The following SLC4A1 variants were observed in gnomAD, a reference collection of about 807,000 sequenced individuals.
The protein encoded by SLC4A1 is band 3 anion transport protein.
In SLC4A1, 29 loss-of-function variants were observed where a neutral mutation model predicts 93.1. The observed-to-expected ratio is 0.31, with a 90% CI of 0.23 to 0.42. The LOEUF (loss-of-function observed/expected upper bound fraction) is 0.42, where lower values mean the gene tolerates loss of function less well. Among genes scored for constraint, SLC4A1 ranks in the 20% least tolerant of loss-of-function variants. The pLI is 1.00. For synonymous variants in SLC4A1, 469 were observed against 497.2 expected, an observed-to-expected ratio of 0.94 and a Z score of 0.76; for missense variants, 965 against 1,190.1, an observed-to-expected ratio of 0.81 and a Z score of 2.78.
intron 1 of SLC4A1, among the ~76,000 whole-genome samples, chr17:44,264,582 A>T (rs1254958729): frequency 6.6e-6 from 1 of 152,256 alleles, no homozygotes; most frequent in East Asian, 1.9e-4. Context: ...TCCCATCCCC[A>T]CGAAATTCAC....
Position 44,249,279 on chromosome 17 carries a change from G to A in SLC4A1, c.*1179C>T, listed in dbSNP as rs991812540. ...AAAAAATAAATTTGCCCATGTTCTT[G>A]GAGAGCCTGCTGTCTCCTACCCCAA... On this transcript the variant is annotated 3_prime_UTR_variant, in exon 20 of 20. Transcript: ENST00000262418. 3 of 430,420 alleles carry A rather than the reference G, an allele frequency of 7.0e-6. No homozygotes were observed. Among genetic ancestry groups the A allele is most frequent in the African/African-American group, 6.1e-5 (3 of 48,798 alleles). The allele number at this position is 430,420 out of a possible 1,614,324, so 26.7% of individuals were successfully genotyped here. A position where few individuals can be genotyped will look rare whatever the true frequency, so the allele number is the denominator to read the frequency against.
chr17:44,264,635 A>G (rs2047479991), intron 1 of SLC4A1, among the ~76,000 whole-genome samples: 1 of 152,164 alleles, frequency 6.6e-6, no homozygotes, highest in Non-Finnish European at 1.5e-5. Flanking sequence ...TGCTCAATAA[A>G]CATTTACTGA....
At chr17:44,263,699 TCCCTTCCC>T (rs2047467999) in intron 1 of SLC4A1, among the ~76,000 whole-genome samples, 1 of 94,432 alleles carries the variant, frequency 1.1e-5, no homozygotes, top group Non-Finnish European at 2.2e-5. Flanking sequence ...CCTCCTTCCC[TCCCTTCCC>T]TCCTTCCTTC....
intron 15 of SLC4A1, 111 bp downstream of exon 15, chr17:44,255,096 G>A (rs2047376687): frequency 5.2e-6 from 4 of 772,094 alleles, no homozygotes; most frequent in South Asian, 1.5e-5. Context: ...GGTAGAGGTA[G>A]TCCCAGCTGG....
At chr17:44,254,424 T>C in intron 16 of SLC4A1, 72 bp downstream of exon 16, 1 of 1,478,988 alleles carries the variant, frequency 6.8e-7, no homozygotes, top group Non-Finnish European at 9.4e-7. Context: ...GTCTCTTGCC[T>C]GCCTGGGAGA....
chr17:44,262,558 G>C, intron 3 of SLC4A1, 78 bp downstream of exon 3: 1 of 1,038,480 alleles, frequency 9.6e-7, no homozygotes, highest in Non-Finnish European at 1.5e-6. Flanking sequence ...TGTGGAGAAG[G>C]GGAGAGGACA....
rs1010765083 is a variant in SLC4A1, at chr17:44,258,656, G to A, written c.877-33C>T. 2.6e-6 allele frequency: 4 copies of A among 1,551,580 alleles called. No homozygotes were observed. The African/African-American group carries it at 5.5e-5, about 21-fold the overall frequency. On this transcript the variant is annotated intron_variant, in intron 9 of 19. Transcript: ENST00000262418. This position sits in a 1 kb window ranked among gnomAD's most constrained non-coding sequence, Gnocchi z 6.1. ...CAGGAGACAGGGTCAGAGCTGCCCG[G>A]ACCTGCGGAGGGAAAGGACCCAGGA...
intron 4 of SLC4A1, among the ~76,000 whole-genome samples, chr17:44,261,360 G>C (rs955267134): frequency 5.3e-5 from 8 of 152,218 alleles, no homozygotes; most frequent in Non-Finnish European, 1.0e-4. Flanking sequence ...TGTCAATCAG[G>C]TTATCTCTGC....
intron 1 of SLC4A1, among the ~76,000 whole-genome samples, chr17:44,267,817 G>A (rs2047507097): frequency 1.3e-5 from 2 of 152,072 alleles, no homozygotes; most frequent in South Asian, 2.1e-4. Context: ...CACACGCACC[G>A]GAGCCACACA....
intron 1 of SLC4A1, among the ~76,000 whole-genome samples, chr17:44,263,634 C>T (rs1485385777): frequency 1.3e-5 from 2 of 151,952 alleles, no homozygotes; most frequent in Non-Finnish European, 1.5e-5. Flanking sequence ...TCTTCAGAGG[C>T]CCTCCCTGGC....
chr17:44,252,021 C>T (rs571319632), intron 17 of SLC4A1, among the ~76,000 whole-genome samples: 6 of 149,494 alleles, frequency 4.0e-5, no homozygotes, highest in Admixed American at 4.0e-4. Flanking sequence ...AGATCCCACG[C>T]CTGGCCTGGA....
At chr17:44,255,954 A>G in intron 13 of SLC4A1, 108 bp from the exon 14 acceptor site, 2 of 1,009,400 alleles carry the variant, frequency 2.0e-6, no homozygotes, top group Non-Finnish European at 3.2e-6. Flanking sequence ...CCAGTCATCT[A>G]TTAATTCATC....
intron 13 of SLC4A1, among the ~76,000 whole-genome samples, chr17:44,257,016 G>A (rs2047395268): frequency 6.6e-6 from 1 of 150,788 alleles, no homozygotes; most frequent in Non-Finnish European, 1.5e-5. Flanking sequence ...TTTTGAGACG[G>A]ATTCTTGCTC....
Position 44,262,856 on chromosome 17 carries a change from A to G in SLC4A1, c.11T>C (p.Leu4Pro). 6.2e-7 allele frequency: 1 copy of G among 1,614,114 alleles called. No individual in the cohort carries two copies. The highest frequency in any genetic ancestry group is 8.5e-7 in the Non-Finnish European group (1 of 1,179,964). MEE[L>P]QDDYEDMMEE... ...CTGATGCCAGGGAACACCCACCTGC[A>G]GCTCCTCCATGGCGTGGTCCTGAGT... Residue 4 changes from leucine (L) to proline (P), a missense_variant, in exon 2 of 20, where the codon CTG becomes CCG. Leu to Pro is a moderately conservative substitution (Grantham distance 98). Transcript: ENST00000262418.
At chr17:44,251,726 T>TC in intron 17 of SLC4A1, 138 bp from the exon 18 acceptor site, 1 of 651,126 alleles carries the variant, frequency 1.5e-6, no homozygotes, top group Non-Finnish European at 2.5e-6. Context: ...TTTTCTTTTT[T>TC]TTTTTTTTTT....
In SLC4A1 at chr17:44,258,226, G is replaced by T. The variant is rs2047408252; in HGVS notation, c.1088-46C>A. 18 of 1,584,894 alleles carry T rather than the reference G, an allele frequency of 1.1e-5. No homozygotes were observed. Among genetic ancestry groups the T allele is most frequent in the Non-Finnish European group, 1.6e-5 (18 of 1,154,612 alleles). On this transcript the variant is annotated intron_variant, in intron 10 of 19. Transcript: ENST00000262418. The surrounding 1 kb of genome is among the most constrained non-coding windows in gnomAD (Gnocchi z 6.1). Reference sequence around the variant, plus strand: ...ATGGTCAGAGGGAGTAGCTGGAGGAGGTGAGGGGAAAGGGGACTGGAGGGT... The same window carrying T: ...ATGGTCAGAGGGAGTAGCTGGAGGATGTGAGGGGAAAGGGGACTGGAGGGT...
chr17:44,251,544 C>T lies in SLC4A1; in HGVS notation c.2356G>A (p.Ala786Thr). The change falls in exon 18 of 20, where the codon GCT becomes ACT. Residue 786 changes from alanine (A) to threonine (T), a missense_variant. This residue lies in a region of SLC4A1 where 770 missense variants were observed against 1,006.6 expected (regional missense o/e 0.76). Coordinates refer to ENST00000262418, the MANE Select transcript of SLC4A1 (RefSeq NM_000342.4). Reference sequence around the variant, plus strand: ...TAGAGGAAGATGCCAAACAGTACAGCCAGGGGGATGCGGGACAGGATGGGC... The same window carrying T: ...TAGAGGAAGATGCCAAACAGTACAGTCAGGGGGATGCGGGACAGGATGGGC... ...MEPILSRIPLAVLFGIFLYMG... is the reference protein window; with the variant it reads ...MEPILSRIPLTVLFGIFLYMG... 6.2e-6 allele frequency: 10 copies of T among 1,614,040 alleles called. No homozygotes were observed. Among genetic ancestry groups the T allele is most frequent in the Non-Finnish European group, 8.5e-6 (10 of 1,180,006 alleles).
chr17:44,259,173 A>G lies in SLC4A1; in HGVS notation c.866T>C (p.Met289Thr), dbSNP rs150403270. 5.0e-6 allele frequency: 8 copies of G among 1,613,828 alleles called. No homozygotes were observed. The highest frequency in any genetic ancestry group is 1.7e-5 in the Admixed American group (1 of 60,004). Residue 289 changes from methionine (M) to threonine (T), a missense_variant, in exon 9 of 20, where the codon ATG (methionine) becomes ACG (threonine). By Grantham distance (81) the Met-to-Thr change is moderately conservative. Coordinates refer to ENST00000262418, the MANE Select transcript of SLC4A1 (RefSeq NM_000342.4). ...CCGGCCCTTCCTTACCCTCTCTGAC[A>G]TGAGGGTGGCAGCAGCCCGGCCAAG... ...TQLGRAAATL[M>T]SERVFRIDAY...
chr17:44,263,714 CTT>C (rs1491161259), intron 1 of SLC4A1, among the ~76,000 whole-genome samples: 66 of 140,404 alleles, frequency 4.7e-4, no homozygotes, highest in Admixed American at 8.9e-4. Context: ...TCCCTCCTTC[CTT>C]CCTTCCTTCC....
Sources: allele counts gnomAD v4.1 joint callset (sites outside exome capture counted in the v4.1 genomes callset), GRCh38; gene constraint gnomAD v4.1.1; regional missense constraint gnomAD v4.1.1; non-coding constraint Gnocchi (gnomAD v3.1); transcripts MANE v1.5; gene names NCBI Gene and HGNC (gene_info 2026-07-23, HGNC 2026-07-21).